Variants in SMC6 observed in about 807,000 individuals in gnomAD.
SMC6 encodes the protein structural maintenance of chromosomes protein 6.
In SMC6, 79 loss-of-function variants were observed where a neutral mutation model predicts 142.2. That is an observed-to-expected ratio of 0.56 (90% CI 0.46 to 0.67). The LOEUF (loss-of-function observed/expected upper bound fraction) is 0.67, where lower values mean the gene tolerates loss of function less well. Among genes scored for constraint, SMC6 ranks in the 30% least tolerant of loss-of-function variants. The probability of loss-of-function intolerance (pLI) is 0.00; values close to 1 mark genes in which losing one functional copy is unlikely to be tolerated. For synonymous variants in SMC6, 411 were observed against 412.4 expected (o/e 1.00, Z 0.04); for missense variants, 1,072 against 1,284.0 (o/e 0.83, Z 2.52).
In SMC6 at chr2:17,725,346, C is replaced by A; in HGVS notation, c.637G>T (p.Ala213Ser). ...EGDKYKFFMKATQLEQMKEDY... is the reference protein window; with the variant it reads ...EGDKYKFFMKSTQLEQMKEDY... ...TCCTTCATCTGTTCAAGTTGCGTTG[C>A]TTTCATGAAGAACTATTATCAATAA... The change falls in exon 9 of 28, where the codon GCA becomes TCA. Residue 213 changes from alanine to serine, a missense_variant. Coordinates refer to ENST00000448223, the MANE Select transcript of SMC6 (RefSeq NM_001142286.2). 1 of 1,597,352 alleles carries A rather than the reference C, an allele frequency of 6.3e-7. No individual in the cohort carries two copies. Among genetic ancestry groups the A allele is most frequent in the Non-Finnish European group, 8.5e-7 (1 of 1,175,420 alleles).
At chr2:17,702,184 T>C (rs11681810) in intron 19 of SMC6, among the ~76,000 whole-genome samples, 74,071 of 151,970 alleles carry the variant, frequency 0.49, 20,192 homozygotes, top group African/African-American at 0.71. Flanking sequence ...ACGAGAAAAA[T>C]TTTTCTGAAA....
intron 11 of SMC6, among the ~76,000 whole-genome samples, chr2:17,719,520 C>A (rs1669266711): frequency 6.6e-6 from 1 of 152,130 alleles, no homozygotes; most frequent in African/African-American, 2.4e-5. Flanking sequence ...ATAACCTAGC[C>A]TTATGATCCT....
chr2:17,725,908 T>C lies in SMC6; in HGVS notation c.624+481A>G, dbSNP rs1404986087. Among the ~76,000 whole-genome samples, 85 of 151,832 alleles carry C rather than the reference T, an allele frequency of 5.6e-4. 1 individual carries two copies. The highest frequency in any genetic ancestry group is 1.9e-4 in the Non-Finnish European group (13 of 67,898). ...TTTGAGACCAGCCTGGCCAAACTGG[T>C]GAAACCCCATCTCTACTAAAAATAC... On this transcript the variant is annotated intron_variant, in intron 8 of 27. Transcript: ENST00000448223.
Position 17,678,931 on chromosome 2 carries a change from G to T in SMC6, c.2838C>A (p.Asp946Glu). 6.2e-7 allele frequency: 1 copy of T among 1,611,890 alleles called. No individual in the cohort carries two copies. Among genetic ancestry groups the T allele is most frequent in the Non-Finnish European group, 8.5e-7 (1 of 1,179,054 alleles). ...AATAGGCCCGCTGAGATAGTAAGTT[G>T]TCAAAGTATAATTTGCATCGTAAAG... ...CLTLRCKLYF[D>E]NLLSQRAYCG... Residue 946 changes from aspartate (D) to glutamate (E), a missense_variant, in exon 25 of 28, where the codon GAC (aspartate) becomes GAA (glutamate). This residue lies in a region of SMC6 where 994 missense variants were observed against 1,153.2 expected (regional missense o/e 0.86). Coordinates refer to ENST00000448223, the MANE Select transcript of SMC6 (RefSeq NM_001142286.2).
intron 7 of SMC6, among the ~76,000 whole-genome samples, chr2:17,727,209 AACAT>A (rs1262464851): frequency 6.6e-6 from 1 of 152,188 alleles, no homozygotes; most frequent in Non-Finnish European, 1.5e-5. Context: ...AAAGGAGACT[AACAT>A]TTCAGTCAGT....
chr2:17,728,226 A>T (rs567132922), intron 7 of SMC6, among the ~76,000 whole-genome samples: 1 of 152,168 alleles, frequency 6.6e-6, no homozygotes, highest in Non-Finnish European at 1.5e-5. Context: ...GCTTGAGTCC[A>T]GGAGTTCAAG....
intron 22 of SMC6, 72 bp from the exon 23 acceptor site, chr2:17,695,369 A>T (rs1171518784): frequency 5.2e-6 from 7 of 1,343,086 alleles, no homozygotes; most frequent in African/African-American, 1.5e-5. Flanking sequence ...CTTGTGCCAA[A>T]ATCTGCAAAG....
chr2:17,667,886 A>G (rs947965665), intron 26 of SMC6, among the ~76,000 whole-genome samples: 5 of 152,182 alleles, frequency 3.3e-5, no homozygotes, highest in African/African-American at 1.2e-4. Flanking sequence ...ATAAAACTGT[A>G]TGTGGCAATA....
intron 25 of SMC6, among the ~76,000 whole-genome samples, chr2:17,673,576 AT>A (rs1334068151): frequency 6.9e-6 from 1 of 144,998 alleles, no homozygotes; most frequent in Non-Finnish European, 1.5e-5. Flanking sequence ...TTTTTTTTAA[AT>A]TTTTTTTTTG....
intron 24 of SMC6, chr2:17,681,530 G>A (rs1558330119): frequency 6.6e-6 from 1 of 152,050 alleles, no homozygotes. Flanking sequence ...CTTTCACTTG[G>A]ACACTCAGAG....
At chr2:17,681,176 C>T (rs1043435649) in intron 24 of SMC6, 1 of 152,384 alleles carries the variant, frequency 6.6e-6, no homozygotes, top group African/African-American at 2.4e-5. Context: ...TACTTTTCTT[C>T]TGCAGCTTCC....
intron 4 of SMC6, among the ~76,000 whole-genome samples, chr2:17,741,168 GA>G (rs1431731816): frequency 6.6e-6 from 1 of 152,096 alleles, no homozygotes; most frequent in Non-Finnish European, 1.5e-5. Context: ...CTAAATAATC[GA>G]TAATTTTCAT....
chr2:17,741,012 C>T (rs1453750702), intron 4 of SMC6, among the ~76,000 whole-genome samples: 1 of 152,176 alleles, frequency 6.6e-6, no homozygotes, highest in Admixed American at 6.5e-5. Context: ...CCACAGTCAG[C>T]TTCTGCCTCT....
rs1251806435 is a variant in SMC6 at position 17,696,883 on chromosome 2, C to T, written c.2395-457G>A. 2.0e-5 allele frequency among the ~76,000 whole-genome samples: 3 copies of T among 151,880 alleles called. No homozygotes were observed. The East Asian group carries it at 5.8e-4, about 29-fold the overall frequency. On this transcript the variant is annotated intron_variant, in intron 21 of 27. Coordinates refer to ENST00000448223, the MANE Select transcript of SMC6 (RefSeq NM_001142286.2). ...AAAATACAACTGGAAAGAAGCTATC[C>T]CAAGATCACTTTAAAAACAAACAGT...
intron 5 of SMC6, among the ~76,000 whole-genome samples, chr2:17,735,009 G>C (rs1351594058): frequency 2.0e-5 from 3 of 152,182 alleles, no homozygotes; most frequent in African/African-American, 7.2e-5. Context: ...AGGATTACAA[G>C]TGTGAGCCAC....
intron 21 of SMC6, among the ~76,000 whole-genome samples, chr2:17,697,128 GCTTT>G (rs1668040681): frequency 6.6e-6 from 1 of 152,006 alleles, no homozygotes; most frequent in African/African-American, 2.4e-5. Flanking sequence ...AATATAGAAT[GCTTT>G]CTTTCTAAGA....
At chr2:17,738,913 C>T (rs568136870) in intron 4 of SMC6, among the ~76,000 whole-genome samples, 5 of 152,158 alleles carry the variant, frequency 3.3e-5, no homozygotes, top group African/African-American at 4.8e-5. Context: ...CCTCTCAAAG[C>T]GCTGTGATTA....
intron 16 of SMC6, among the ~76,000 whole-genome samples, chr2:17,712,967 C>A (rs961156006): frequency 6.6e-6 from 1 of 152,226 alleles, no homozygotes; most frequent in Non-Finnish European, 1.5e-5. Flanking sequence ...ATCCCCTAGA[C>A]CTGTTCCATT....
At chr2:17,691,426 C>T (rs757338072) in intron 23 of SMC6, among the ~76,000 whole-genome samples, 14 of 141,472 alleles carry the variant, frequency 9.9e-5, no homozygotes, top group Non-Finnish European at 1.8e-4. Flanking sequence ...CATATCTTGG[C>T]TATTGTGAAT....
Sources: allele counts gnomAD v4.1 joint callset (sites outside exome capture counted in the v4.1 genomes callset), GRCh38; gene constraint gnomAD v4.1.1; regional missense constraint gnomAD v4.1.1; transcripts MANE v1.5; gene names NCBI Gene and HGNC (gene_info 2026-07-23, HGNC 2026-07-21).